The following COLGALT2 variants were observed in gnomAD, a reference collection of about 807,000 sequenced individuals.
The protein encoded by COLGALT2 is collagen beta(1-O)galactosyltransferase 2.
COLGALT2 carries 49 observed loss-of-function variants against 73.4 expected under a neutral mutation model. The observed-to-expected ratio is 0.67, with a 90% CI of 0.53 to 0.85. The LOEUF is 0.85. Among genes scored for constraint, COLGALT2 ranks in the 40% least tolerant of loss-of-function variants. COLGALT2 has a pLI of 0.00. For synonymous variants in COLGALT2, 295 were observed against 307.6 expected, an observed-to-expected ratio of 0.96 and a Z score of 0.43; for missense variants, 722 against 790.2, an observed-to-expected ratio of 0.91 and a Z score of 1.03.
rs940863123 is a variant in COLGALT2 at position 183,937,496 on chromosome 1, G to A, written c.*1265C>T. On this transcript the variant is annotated 3_prime_UTR_variant, in exon 12 of 12. Coordinates refer to ENST00000361927, the MANE Select transcript of COLGALT2 (RefSeq NM_015101.4). ...AGGGTGTCCGCCTGGGATTCTAAGA[G>A]CTTCCCTGGTTGCTGGCCTAAATCA... is the stretch of plus-strand genomic sequence containing the variant. 6.1e-6 allele frequency: 6 copies of A among 985,368 alleles called. No individual in the cohort carries two copies. The highest frequency in any genetic ancestry group is 7.2e-6 in the Non-Finnish European group (6 of 829,996). The allele number at this position is 985,368 out of a possible 1,614,324, so 61.0% of individuals were successfully genotyped here. A position where few individuals can be genotyped will look rare whatever the true frequency, so the allele number is the denominator to read the frequency against.
At chr1:183,961,807 A>G (rs1670709242) in intron 6 of COLGALT2, among the ~76,000 whole-genome samples, 1 of 152,194 alleles carries the variant, frequency 6.6e-6, no homozygotes, top group South Asian at 2.1e-4. Context: ...CAAAGCAATA[A>G]GATGCCACCC....
chr1:184,026,568 T>A (rs1421236980), intron 1 of COLGALT2, among the ~76,000 whole-genome samples: 1 of 152,188 alleles, frequency 6.6e-6, no homozygotes, highest in African/African-American at 2.4e-5. Context: ...AGAACAGAAC[T>A]GTGTGAATTT....
intron 1 of COLGALT2, among the ~76,000 whole-genome samples, chr1:184,012,344 CAT>C (rs1470024961): frequency 6.6e-6 from 1 of 152,260 alleles, no homozygotes; most frequent in African/African-American, 2.4e-5. Context: ...TAAAGCCAAC[CAT>C]GTGTGTGTTA....
intron 1 of COLGALT2, among the ~76,000 whole-genome samples, chr1:184,027,014 A>C (rs1414195630): frequency 6.6e-6 from 1 of 152,166 alleles, no homozygotes; most frequent in Non-Finnish European, 1.5e-5. Flanking sequence ...ACAGTGGGTA[A>C]AACATTTGGG....
intron 1 of COLGALT2, among the ~76,000 whole-genome samples, chr1:184,004,974 G>A (rs986024535): frequency 3.3e-5 from 5 of 152,194 alleles, no homozygotes; most frequent in African/African-American, 1.2e-4. Context: ...AATAATTAAT[G>A]TTTTATACTC....
chr1:183,999,663 T>A (rs113388674), intron 1 of COLGALT2, among the ~76,000 whole-genome samples: 102 of 152,194 alleles, frequency 6.7e-4, no homozygotes, highest in African/African-American at 2.3e-3. Flanking sequence ...GATTTCTTTC[T>A]TCATGAGTCA....
At chr1:183,957,779 T>G (rs923683625) in intron 6 of COLGALT2, among the ~76,000 whole-genome samples, 123 of 68,498 alleles carry the variant, frequency 1.8e-3, no homozygotes, top group Admixed American at 0.01. Flanking sequence ...TTTGTGGTGG[T>G]TTTTTTTTTT....
At chr1:184,030,339 A>G (rs992273731) in intron 1 of COLGALT2, among the ~76,000 whole-genome samples, 1 of 152,226 alleles carries the variant, frequency 6.6e-6, no homozygotes, top group East Asian at 1.9e-4. Context: ...CACATATGGT[A>G]AAAGTTCTTC....
chr1:183,977,955 A>G (rs1177632612), intron 2 of COLGALT2, among the ~76,000 whole-genome samples: 3 of 152,208 alleles, frequency 2.0e-5, no homozygotes, highest in Non-Finnish European at 4.4e-5. Context: ...GATCAATTAA[A>G]TAATTATGGT....
At chr1:183,951,220 A>T in intron 7 of COLGALT2, 107 bp from the exon 8 acceptor site, 1 of 767,672 alleles carries the variant, frequency 1.3e-6, no homozygotes, top group Non-Finnish European at 2.3e-6. Flanking sequence ...AGTGGAAAAG[A>T]TAGGAAGAAC....
intron 5 of COLGALT2, among the ~76,000 whole-genome samples, chr1:183,966,058 G>A (rs1670862928): frequency 6.6e-6 from 1 of 152,186 alleles, no homozygotes; most frequent in Admixed American, 6.5e-5. Flanking sequence ...TAACATGGAA[G>A]TAAATATTAG....
chr1:184,036,297 C>T (rs1649673773), intron 1 of COLGALT2, among the ~76,000 whole-genome samples: 1 of 152,376 alleles, frequency 6.6e-6, no homozygotes, highest in Middle Eastern at 3.4e-3. Flanking sequence ...GGCAGGCACC[C>T]GCACTTATCC....
intron 1 of COLGALT2, among the ~76,000 whole-genome samples, chr1:184,035,550 A>G (rs1649645419): frequency 6.6e-6 from 1 of 152,196 alleles, no homozygotes; most frequent in African/African-American, 2.4e-5. Flanking sequence ...GCATCCTCTT[A>G]AAAGTTTACT....
At chr1:184,023,646 G>A (rs57044221) in intron 1 of COLGALT2, among the ~76,000 whole-genome samples, 3 of 72,430 alleles carry the variant, frequency 4.1e-5, no homozygotes, top group Non-Finnish European at 7.0e-5. Context: ...CGTGAGGTGG[G>A]GGGGGGGGGC....
Position 184,037,419 on chromosome 1 carries a change from G to GGGC in COLGALT2, c.-65_-63dup, listed in dbSNP as rs1254859961. 1.0e-5 allele frequency: 13 copies of GGGC among 1,272,756 alleles called. No individual in the cohort carries two copies. The African/African-American group carries it at 1.2e-4, about 12-fold the overall frequency. 78.8% of individuals were successfully genotyped at this position (1,272,756 alleles called of 1,614,324 possible). A position where few individuals can be genotyped will look rare whatever the true frequency, so the allele number is the denominator to read the frequency against. ...GCGAGCGCCCGGCTGGGCTGCCTGA[G>GGGC]GGCGGCGGCGGCTGCCGGGGAGCAA... is the stretch of plus-strand genomic sequence containing the variant. On this transcript the variant is annotated 5_prime_UTR_variant, in exon 1 of 12. Coordinates refer to ENST00000361927, the MANE Select transcript of COLGALT2 (RefSeq NM_015101.4).
At chr1:183,933,893 A>G (rs1355897227), downstream of COLGALT2, among the ~76,000 whole-genome samples, 3 of 152,236 alleles carry the variant, frequency 2.0e-5, no homozygotes, top group East Asian at 5.8e-4. Flanking sequence ...AGAGAAGGCA[A>G]TCCTCAGAGA....
chr1:183,954,573 A>ACT (rs1397574258), intron 7 of COLGALT2, among the ~76,000 whole-genome samples, 189 bp downstream of exon 7: 3 of 152,178 alleles, frequency 2.0e-5, no homozygotes, highest in Non-Finnish European at 4.4e-5. Flanking sequence ...TTATCATGAT[A>ACT]CTCCTTTTTT....
Position 183,999,900 on chromosome 1 carries a change from A to G in COLGALT2, c.264-21380T>C, listed in dbSNP as rs1389791875. 5.3e-5 allele frequency among the ~76,000 whole-genome samples: 8 copies of G among 151,692 alleles called. No homozygotes were observed. The East Asian group carries it at 1.4e-3, about 26-fold the overall frequency. Reference sequence around the variant, plus strand: ...TATTGGATTATTAGTCCTCTTTGATATCTTCAGTTTCTATTTCATTAATTT... The same window carrying G: ...TATTGGATTATTAGTCCTCTTTGATGTCTTCAGTTTCTATTTCATTAATTT... On this transcript the variant is annotated intron_variant, in intron 1 of 11. Coordinates refer to ENST00000361927, the MANE Select transcript of COLGALT2 (RefSeq NM_015101.4).
At chr1:184,032,982 CTCTT>C (rs1011840371) in intron 1 of COLGALT2, among the ~76,000 whole-genome samples, 4 of 152,224 alleles carry the variant, frequency 2.6e-5, no homozygotes, top group African/African-American at 7.2e-5. Context: ...AGAAGCTCCT[CTCTT>C]TATTTAAAAA....
Sources: allele counts gnomAD v4.1 joint callset (sites outside exome capture counted in the v4.1 genomes callset), GRCh38; gene constraint gnomAD v4.1.1; transcripts MANE v1.5; gene names NCBI Gene and HGNC (gene_info 2026-07-23, HGNC 2026-07-21).